PDE1A: variants seen among roughly 807,000 people sequenced by gnomAD.
PDE1A encodes phosphodiesterase 1A.
Under a neutral mutation model 61.7 loss-of-function variants are expected in PDE1A, and 35 were observed. The observed-to-expected ratio is 0.57, with a 90% CI of 0.43 to 0.75. The LOEUF (loss-of-function observed/expected upper bound fraction) is 0.75. Among genes scored for constraint, PDE1A ranks in the 30% least tolerant of loss-of-function variants. The pLI is 0.00. For synonymous variants in PDE1A, 232 were observed against 213.2 expected (o/e 1.09, Z -0.77); for missense variants, 597 against 630.6 (o/e 0.95, Z 0.57).
chr2:182,518,431 C>G (rs1690350759), intron 2 of PDE1A, among the ~76,000 whole-genome samples: 1 of 152,072 alleles, frequency 6.6e-6, no homozygotes, highest in Non-Finnish European at 1.5e-5. Flanking sequence ...TAGTCATGTT[C>G]ACTACCCTAC....
chr2:182,430,363 T>C (rs62188263), upstream of PDE1A, among the ~76,000 whole-genome samples: 13 of 109,030 alleles, frequency 1.2e-4, no homozygotes, highest in Admixed American at 1.0e-3. Context: ...GAAATGCTCA[T>C]CATCACTGGC....
chr2:182,588,483 T>G, the PDE1A span, among the ~76,000 whole-genome samples: 24 of 152,222 alleles, frequency 1.6e-4, no homozygotes, highest in Non-Finnish European at 2.9e-4. Flanking sequence ...CCTGAAACTC[T>G]TATTACTTCT....
chr2:182,161,985 T>C (rs1265297397), intron 13 of PDE1A, among the ~76,000 whole-genome samples: 1 of 152,040 alleles, frequency 6.6e-6, no homozygotes, highest in Non-Finnish European at 1.5e-5. Context: ...TTGGTTTCAT[T>C]TAGAGGAGGG....
intron 2 of PDE1A, among the ~76,000 whole-genome samples, chr2:182,259,351 C>A (rs1276383826): frequency 6.6e-6 from 1 of 152,146 alleles, no homozygotes; most frequent in Non-Finnish European, 1.5e-5. Flanking sequence ...AAAAACTGCT[C>A]TCAGGGAAGC....
At chr2:182,241,785 T>C (rs942375983) in intron 2 of PDE1A, 1 of 1,443,294 alleles carries the variant, frequency 6.9e-7, no homozygotes. Flanking sequence ...TGAATGTTAA[T>C]ACTGATTAAT....
intron 12 of PDE1A, 52 bp from the exon 13 acceptor site, chr2:182,186,131 A>C (rs752175616): frequency 6.3e-7 from 1 of 1,575,314 alleles, no homozygotes. Context: ...TATGGGGTGA[A>C]CAAGGAAAAC....
intron 2 of PDE1A, among the ~76,000 whole-genome samples, chr2:182,475,229 A>C (rs1375326825): frequency 6.6e-6 from 1 of 151,938 alleles, no homozygotes; most frequent in Non-Finnish European, 1.5e-5. Context: ...AGCACTGTCA[A>C]GATGAGACCT....
At chr2:182,397,804 G>A (rs745650501) in intron 1 of PDE1A, among the ~76,000 whole-genome samples, 87 of 152,112 alleles carry the variant, frequency 5.7e-4, no homozygotes, top group Non-Finnish European at 1.1e-3. Context: ...GTAGCATGGG[G>A]CTTCATATAG....
At chr2:182,281,168 G>A (rs1040057011) in intron 1 of PDE1A, among the ~76,000 whole-genome samples, 2 of 151,814 alleles carry the variant, frequency 1.3e-5, no homozygotes, top group African/African-American at 4.8e-5. Context: ...AAATGCATGA[G>A]TCATTTTCAT....
chr2:182,703,342 T>C, the PDE1A span, among the ~76,000 whole-genome samples: 14 of 152,200 alleles, frequency 9.2e-5, no homozygotes, highest in African/African-American at 3.1e-4. Context: ...TGACTCTCCA[T>C]GCTAAAAGAG....
the PDE1A span, among the ~76,000 whole-genome samples, chr2:182,680,556 ACTTAAT>A: frequency 1.3e-5 from 2 of 152,164 alleles, no homozygotes; most frequent in African/African-American, 4.8e-5. Flanking sequence ...TTTAAATGGC[ACTTAAT>A]CTTAAAAAAG....
the PDE1A span, among the ~76,000 whole-genome samples, chr2:182,688,613 G>A: frequency 1.3e-5 from 2 of 152,156 alleles, no homozygotes; most frequent in Non-Finnish European, 2.9e-5. Context: ...GGAAGAAACT[G>A]CATCAACTAA....
chr2:182,265,789 C>G (rs187921845), intron 1 of PDE1A, among the ~76,000 whole-genome samples: 1 of 152,148 alleles, frequency 6.6e-6, no homozygotes, highest in African/African-American at 2.4e-5. Flanking sequence ...CTTACTCTCT[C>G]CATACTACAG....
chr2:182,166,374 C>G (rs4666818), downstream of PDE1A, among the ~76,000 whole-genome samples: 31,144 of 152,064 alleles, frequency 0.2, 3,422 homozygotes, highest in East Asian at 0.33. Context: ...GGCTTTCTCT[C>G]TTTCCCTTTC....
upstream of PDE1A, among the ~76,000 whole-genome samples, chr2:182,524,721 T>C (rs1034524312): frequency 4.6e-5 from 7 of 152,106 alleles, no homozygotes; most frequent in Non-Finnish European, 7.4e-5. Flanking sequence ...TCAAATCATT[T>C]TTCTTTGTTA....
intron 8 of PDE1A, 112 bp downstream of exon 8, chr2:182,205,828 A>G: frequency 1.1e-6 from 1 of 885,160 alleles, no homozygotes; most frequent in African/African-American, 1.7e-5. Context: ...GACAGTAATT[A>G]AGTTTGTAAT....
intron 2 of PDE1A, among the ~76,000 whole-genome samples, chr2:182,470,153 T>C (rs2125802369): frequency 6.6e-6 from 1 of 152,020 alleles, no homozygotes; most frequent in South Asian, 2.1e-4. Flanking sequence ...TTTTAATTTA[T>C]AAAAAGCACA....
intron 11 of PDE1A, 72 bp downstream of exon 11, chr2:182,188,907 C>T (rs1685462959): frequency 5.1e-6 from 5 of 976,254 alleles, no homozygotes; most frequent in Non-Finnish European, 4.9e-6. Context: ...CCCCTTTGAA[C>T]AACATCGTTT....
chr2:182,576,370 T>C, the PDE1A span, among the ~76,000 whole-genome samples: 1 of 152,182 alleles, frequency 6.6e-6, no homozygotes, highest in Admixed American at 6.5e-5. Flanking sequence ...TCAAGATTCA[T>C]CCTTGTTGTA....
Sources: gnomAD v4.1 joint callset for allele counts (sites outside exome capture counted in the v4.1 genomes callset) on GRCh38, gnomAD v4.1.1 for gene constraint, MANE v1.5 for transcripts, NCBI Gene and HGNC (gene_info 2026-07-23, HGNC 2026-07-21) for gene names.